Variants in SLC27A2 observed in about 807,000 individuals in gnomAD.
The protein encoded by SLC27A2 is solute carrier family 27 member 2.
A neutral mutation model predicts 60.0 loss-of-function variants in SLC27A2; 54 were observed. That is an observed-to-expected ratio of 0.90 (90% confidence interval 0.72 to 1.13). The LOEUF is 1.13. SLC27A2 is among the 50% of genes most tolerant of loss of function. The pLI is 0.00. For missense variants in SLC27A2, 739 were observed against 777.6 expected (o/e 0.95, Z 0.59); for synonymous variants, 297 against 297.6 (o/e 1.00, Z 0.02).
chr15:50,213,867 CACAAACAG>C (rs2045175579), intron 4 of SLC27A2, among the ~76,000 whole-genome samples: 1 of 151,884 alleles, frequency 6.6e-6, no homozygotes, highest in South Asian at 2.1e-4. Context: ...ACTGAAAGAG[CACAAACAG>C]ACAATCTAAG....
rs563975580 is a variant in SLC27A2, at chr15:50,186,688, C to T, written c.478+3783C>T. 2.7e-3 allele frequency among the ~76,000 whole-genome samples: 416 copies of T among 152,246 alleles called. 1 individual carries two copies. The highest frequency in any genetic ancestry group is 9.3e-3 in the African/African-American group (385 of 41,536). On this transcript the variant is annotated intron_variant, in intron 1 of 9. Coordinates refer to ENST00000267842, the MANE Select transcript of SLC27A2 (RefSeq NM_003645.4). ...TCTTGACCTCGTGATCCACCTGCCTCGTCCTCCCAAAGTGCTGGGATTAGA... is the reference window on the plus strand; with the variant it reads ...TCTTGACCTCGTGATCCACCTGCCTTGTCCTCCCAAAGTGCTGGGATTAGA...
At chr15:50,190,282 A>G (rs1357426876) in intron 1 of SLC27A2, among the ~76,000 whole-genome samples, 3 of 152,242 alleles carry the variant, frequency 2.0e-5, no homozygotes, top group African/African-American at 7.2e-5. Context: ...TGCTTTTCTG[A>G]ATGAAGAAAA....
Position 50,236,268 on chromosome 15 carries a change from T to A in SLC27A2, c.*172T>A, listed in dbSNP as rs1472785301. 4 of 491,402 alleles carry A rather than the reference T, an allele frequency of 8.1e-6. No individual in the cohort carries two copies. The highest frequency in any genetic ancestry group is 1.4e-5 in the Non-Finnish European group (4 of 286,790). The allele number at this position is 491,402 out of a possible 1,614,324, so 30.4% of individuals were successfully genotyped here. ...AGTTGAGTCTTTGCAAGTAAAAAGA[T>A]TTAGAGATTATTATTTTTCAGTGTG... On this transcript the variant is annotated 3_prime_UTR_variant, in exon 10 of 10. Transcript: ENST00000267842.
chr15:50,205,837 C>CA lies in SLC27A2; in HGVS notation c.972+475dup, dbSNP rs368817305. 2.4e-3 allele frequency among the ~76,000 whole-genome samples: 360 copies of CA among 152,312 alleles called. 1 individual carries two copies. The highest frequency in any genetic ancestry group is 8.3e-3 in the African/African-American group (345 of 41,552). On this transcript the variant is annotated intron_variant, in intron 4 of 9. Transcript: ENST00000267842. ...GTAATATCTTTGATGGCTGGAACCA[C>CA]ATCTTGTCTCCTTGTTTTCTGTTAT...
chr15:50,215,634 A>G (rs1414348113), intron 4 of SLC27A2, among the ~76,000 whole-genome samples: 1 of 152,238 alleles, frequency 6.6e-6, no homozygotes, highest in Non-Finnish European at 1.5e-5. Context: ...CCATTGCCAC[A>G]GAATAGAGAA....
At chr15:50,234,300 A>T (rs1595694583) in intron 9 of SLC27A2, among the ~76,000 whole-genome samples, 2 of 152,246 alleles carry the variant, frequency 1.3e-5, no homozygotes, top group African/African-American at 4.8e-5. Context: ...GAAAATTTTT[A>T]AAAAAGGCCA....
intron 4 of SLC27A2, among the ~76,000 whole-genome samples, chr15:50,214,477 GAATCACCCT>G (rs1428199673): frequency 6.6e-6 from 1 of 152,014 alleles, no homozygotes; most frequent in South Asian, 2.1e-4. Flanking sequence ...CATAGAGCCA[GAATCACCCT>G]AATACCAAAA....
In SLC27A2 at chr15:50,234,464, G is replaced by A. The variant is rs530453377; in HGVS notation, c.1686+466G>A. ...TAGCTGGGCGTGGTAGTGCATGCCT[G>A]TAGCCCCAGCTACTCGGGAGGCTGG... On this transcript the variant is annotated intron_variant, in intron 9 of 9. Transcript: ENST00000267842. Among the ~76,000 whole-genome samples the A allele has an allele frequency of 2.5e-4, 38 of 151,894 alleles. 1 individual carries two copies. The South Asian group carries it at 3.1e-3, about 13-fold the overall frequency.
intron 8 of SLC27A2, among the ~76,000 whole-genome samples, chr15:50,233,157 CA>C (rs2045327348): frequency 1.3e-5 from 2 of 152,164 alleles, no homozygotes; most frequent in South Asian, 4.1e-4. Context: ...TGGGAGGGCA[CA>C]AAACAGCTCC....
At chr15:50,228,592 T>C (rs1400898812) in intron 7 of SLC27A2, among the ~76,000 whole-genome samples, 1 of 152,072 alleles carries the variant, frequency 6.6e-6, no homozygotes, top group East Asian at 1.9e-4. Context: ...GCAACTGAGT[T>C]AGTAAATGAG....
intron 5 of SLC27A2, among the ~76,000 whole-genome samples, chr15:50,224,195 C>G (rs1185028287): frequency 6.6e-6 from 1 of 152,218 alleles, no homozygotes; most frequent in Admixed American, 6.5e-5. Flanking sequence ...AATCCCAGCA[C>G]TTTGGGAGGC....
intron 4 of SLC27A2, among the ~76,000 whole-genome samples, chr15:50,219,652 A>C (rs755742001): frequency 2.6e-5 from 4 of 152,114 alleles, no homozygotes; most frequent in Non-Finnish European, 5.9e-5. Context: ...CATTTCCTCA[A>C]TTGTAATATG....
intron 4 of SLC27A2, among the ~76,000 whole-genome samples, chr15:50,217,873 G>A (rs2045211215): frequency 6.6e-6 from 1 of 151,900 alleles, no homozygotes; most frequent in African/African-American, 2.4e-5. Flanking sequence ...GGCCAACATG[G>A]TGAAACCCCA....
chr15:50,213,584 T>G (rs1298775908), intron 4 of SLC27A2, among the ~76,000 whole-genome samples: 1 of 152,134 alleles, frequency 6.6e-6, no homozygotes, highest in Non-Finnish European at 1.5e-5. Flanking sequence ...TCAATAAATT[T>G]AAGAAAATTG....
chr15:50,220,169 G>C (rs777061890), intron 4 of SLC27A2, among the ~76,000 whole-genome samples: 26 of 152,168 alleles, frequency 1.7e-4, no homozygotes, highest in Admixed American at 6.5e-5. Flanking sequence ...GTGATTATGA[G>C]CTCAGCTACC....
intron 8 of SLC27A2, among the ~76,000 whole-genome samples, chr15:50,232,931 T>C (rs2140915854): frequency 6.6e-6 from 1 of 152,342 alleles, no homozygotes; most frequent in East Asian, 1.9e-4. Flanking sequence ...GGGAGGCTCC[T>C]GTCTCCTCTC....
rs762320701 is a variant in SLC27A2 at position 50,202,666 on chromosome 15, G to A, written c.847+21G>A. On this transcript the variant is annotated intron_variant, in intron 3 of 9. Transcript: ENST00000267842. Reference sequence around the variant, plus strand: ...GGCTGGTAAGCTTTTTCTACAAAATGTTGGAGGCGAGTGCACATTTACATT... The same window carrying A: ...GGCTGGTAAGCTTTTTCTACAAAATATTGGAGGCGAGTGCACATTTACATT... The A allele has an allele frequency of 2.5e-6, 4 of 1,608,656 alleles. No individual in the cohort carries two copies. The African/African-American group carries it at 5.3e-5, about 21-fold the overall frequency.
chr15:50,211,181 A>T (rs2045151890), intron 4 of SLC27A2, among the ~76,000 whole-genome samples: 1 of 152,212 alleles, frequency 6.6e-6, no homozygotes, highest in South Asian at 2.1e-4. Flanking sequence ...GGCCAACAGC[A>T]CAAAACAGGG....
At chr15:50,191,518 G>C (rs567406545) in intron 1 of SLC27A2, among the ~76,000 whole-genome samples, 1 of 152,282 alleles carries the variant, frequency 6.6e-6, no homozygotes, top group Admixed American at 6.5e-5. Context: ...CTTAGGATTA[G>C]AGGATCTGCT....
Sources: allele counts gnomAD v4.1 joint callset (sites outside exome capture counted in the v4.1 genomes callset), GRCh38; gene constraint gnomAD v4.1.1; transcripts MANE v1.5; gene names NCBI Gene and HGNC (gene_info 2026-07-23, HGNC 2026-07-21).